Variants in LAMA3 observed in about 807,000 individuals in gnomAD.
The protein encoded by LAMA3 is laminin subunit alpha-3.
LAMA3 carries 281 observed loss-of-function variants against 402.0 expected under a neutral mutation model. The ratio of observed to expected loss-of-function variants is 0.70; its 90% CI spans 0.63 to 0.77. LAMA3 has a LOEUF of 0.77. Among genes scored for constraint, LAMA3 ranks in the 30% least tolerant of loss-of-function variants. The probability of loss-of-function intolerance (pLI) is 0.00; values close to 1 mark genes in which losing one functional copy is unlikely to be tolerated. For missense variants in LAMA3, 3,840 were observed against 4,215.5 expected (o/e 0.91, Z 2.47); for synonymous variants, 1,431 against 1,558.4 (o/e 0.92, Z 1.93).
At chr18:23,797,586 A>G (rs1335934452) in intron 12 of LAMA3, among the ~76,000 whole-genome samples, 2 of 152,168 alleles carry the variant, frequency 1.3e-5, no homozygotes, top group African/African-American at 4.8e-5. Context: ...GTGGTGGCAC[A>G]TGCCTGTAAT....
At chr18:23,818,755 TA>T (rs1568217284) in intron 18 of LAMA3, among the ~76,000 whole-genome samples, 1 of 152,212 alleles carries the variant, frequency 6.6e-6, no homozygotes, top group African/African-American at 2.4e-5. Flanking sequence ...GTCTATGAAT[TA>T]AAAATTAGCA....
intron 31 of LAMA3, among the ~76,000 whole-genome samples, chr18:23,846,910 G>A (rs2063828563): frequency 6.6e-6 from 1 of 152,178 alleles, no homozygotes; most frequent in African/African-American, 2.4e-5. Flanking sequence ...AGGACAGCCA[G>A]GGTCATGTGG....
chr18:23,693,296 C>T (rs1394589510), intron 1 of LAMA3, among the ~76,000 whole-genome samples: 3 of 152,176 alleles, frequency 2.0e-5, no homozygotes, highest in Non-Finnish European at 4.4e-5. Flanking sequence ...CATTGCACTC[C>T]AGCCTGGGCA....
chr18:23,695,969 CAG>C (rs1199600557), intron 1 of LAMA3, among the ~76,000 whole-genome samples: 2 of 151,954 alleles, frequency 1.3e-5, no homozygotes, highest in Non-Finnish European at 2.9e-5. Flanking sequence ...ACCTTTTGAA[CAG>C]AGCCCAGTGG....
At chr18:23,830,418 C>T (rs2063469983) in intron 23 of LAMA3, among the ~76,000 whole-genome samples, 1 of 152,182 alleles carries the variant, frequency 6.6e-6, no homozygotes, top group South Asian at 2.1e-4. Context: ...GCCCTACTCA[C>T]ACCTCAACCC....
intron 1 of LAMA3, among the ~76,000 whole-genome samples, chr18:23,692,169 C>T (rs1021257891): frequency 2.6e-5 from 4 of 152,214 alleles, no homozygotes; most frequent in South Asian, 2.1e-4. Context: ...CCCCATCCTT[C>T]GGTTAGCCTA....
chr18:23,879,832 T>A lies in LAMA3; in HGVS notation c.5113-2104T>A, dbSNP rs1366886748. Among the ~76,000 whole-genome samples, 1 of 152,196 alleles carries A rather than the reference T, an allele frequency of 6.6e-6. No homozygotes were observed. The highest frequency in any genetic ancestry group is 1.5e-5 in the Non-Finnish European group (1 of 68,020). ...GGGTTTTGACACTCTTCCTTGATCC[T>A]CTCCTCTCACCCCTGTGAAGGACCA... On this transcript the variant is annotated intron_variant, in intron 39 of 74. Transcript: ENST00000313654. The surrounding 1 kb of genome is among the most constrained non-coding windows in gnomAD (Gnocchi z 4.2).
At chr18:23,902,676 A>T (rs1356365624) in intron 48 of LAMA3, among the ~76,000 whole-genome samples, 1 of 152,170 alleles carries the variant, frequency 6.6e-6, no homozygotes, top group East Asian at 1.9e-4. Context: ...ATGGTTAGTG[A>T]TGGTTTATTT....
chr18:23,709,835 T>A (rs2060956749), intron 1 of LAMA3: 2 of 673,880 alleles, frequency 3.0e-6, no homozygotes, highest in Non-Finnish European at 5.5e-6. Flanking sequence ...TGATCCCAAT[T>A]TTGTTGGCAA....
intron 37 of LAMA3, among the ~76,000 whole-genome samples, chr18:23,869,259 A>G (rs1186349825): frequency 6.6e-6 from 1 of 152,244 alleles, no homozygotes; most frequent in Non-Finnish European, 1.5e-5. Flanking sequence ...GTAACATACC[A>G]GAGAAGAGGA....
In LAMA3 at chr18:23,864,771, T is replaced by TA; in HGVS notation, c.4585-12dup. 1.3e-6 allele frequency: 2 copies of TA among 1,528,576 alleles called. No individual in the cohort carries two copies. Among genetic ancestry groups the TA allele is most frequent in the Non-Finnish European group, 1.8e-6 (2 of 1,102,270 alleles). The allele number at this position is 1,528,576 out of a possible 1,614,324, so 94.7% of individuals were successfully genotyped here. On this transcript the variant is annotated splice_polypyrimidine_tract_variant and intron_variant, in intron 35 of 74. Coordinates refer to ENST00000313654, the MANE Select transcript of LAMA3 (RefSeq NM_198129.4). ...TTAATGCTTGTGCTATTGATGCTATTAATTCCATTTTAGGTTTCTTCATAT... is the reference window on the plus strand; with the variant it reads ...TTAATGCTTGTGCTATTGATGCTATTAAATTCCATTTTAGGTTTCTTCATAT...
chr18:23,930,236 C>G (rs539377910), intron 64 of LAMA3, among the ~76,000 whole-genome samples: 218 of 152,264 alleles, frequency 1.4e-3, no homozygotes, highest in African/African-American at 5.0e-3. Flanking sequence ...CAGGAAGAGT[C>G]AAATTATCTT....
At chr18:23,728,245 C>G (rs537995489) in intron 2 of LAMA3, among the ~76,000 whole-genome samples, 1 of 152,292 alleles carries the variant, frequency 6.6e-6, no homozygotes, top group African/African-American at 2.4e-5. Context: ...TGTTCTGTGC[C>G]CAGTGACCCA....
In LAMA3 at chr18:23,822,458, G is replaced by T. The variant is rs1055288643; in HGVS notation, c.2428+83G>T. On this transcript the variant is annotated intron_variant, in intron 20 of 74. Transcript: ENST00000313654. ...CACTTTCTCTGATTTTCACAAAGTT[G>T]ATCACCCTTAGAAAATGTCAAGCCT... The T allele has an allele frequency of 1.2e-5, 18 of 1,440,088 alleles. No individual in the cohort carries two copies. In the Admixed American group the frequency reaches 1.7e-4, roughly 13 times the overall value. 89.2% of individuals were successfully genotyped at this position (1,440,088 alleles called of 1,614,324 possible). A position where few individuals can be genotyped will look rare whatever the true frequency, so the allele number is the denominator to read the frequency against.
chr18:23,725,507 G>C (rs1420420560), intron 2 of LAMA3, among the ~76,000 whole-genome samples: 1 of 152,206 alleles, frequency 6.6e-6, no homozygotes, highest in Non-Finnish European at 1.5e-5. Flanking sequence ...CACTGGGGGT[G>C]TGTGTGCAGA....
chr18:23,901,896 G>A (rs1170431065), intron 48 of LAMA3, among the ~76,000 whole-genome samples: 1 of 152,228 alleles, frequency 6.6e-6, no homozygotes, highest in Non-Finnish European at 1.5e-5. Flanking sequence ...GTTTCACCAT[G>A]TTGGCTAGGC....
chr18:23,916,660 G>A lies in LAMA3; in HGVS notation c.7888G>A (p.Val2630Met), dbSNP rs761750878. The A allele has an allele frequency of 1.5e-5, 24 of 1,613,988 alleles. No individual in the cohort carries two copies. Among genetic ancestry groups the A allele is most frequent in the Admixed American group, 8.3e-5 (5 of 59,994 alleles). The change falls in exon 60 of 75, where the codon GTG becomes ATG. Residue 2630 changes from valine (V) to methionine (M), a missense_variant. Coordinates refer to ENST00000313654, the MANE Select transcript of LAMA3 (RefSeq NM_198129.4). Reference protein sequence around the residue: ...PTFGQTIQTTVDRGLLFFAEN... With the variant: ...PTFGQTIQTTMDRGLLFFAEN... Reference sequence around the variant, plus strand: ...CTTTGGACAGACAATTCAGACCACCGTGGATAGAGGCTTGCTGTTCTTTGC... The same window carrying A: ...CTTTGGACAGACAATTCAGACCACCATGGATAGAGGCTTGCTGTTCTTTGC...
At chr18:23,826,170 T>C (rs907361792) in intron 21 of LAMA3, among the ~76,000 whole-genome samples, 1 of 152,202 alleles carries the variant, frequency 6.6e-6, no homozygotes, top group African/African-American at 2.4e-5. Flanking sequence ...TGAATTTACG[T>C]TGTGGGCTTT....
At chr18:23,776,162 G>A (rs941376606) in intron 10 of LAMA3, among the ~76,000 whole-genome samples, 3 of 152,146 alleles carry the variant, frequency 2.0e-5, no homozygotes, top group African/African-American at 4.8e-5. Context: ...CATCTCAGTA[G>A]GTCAAAAAGT....
Sources: gnomAD v4.1 joint callset for allele counts (sites outside exome capture counted in the v4.1 genomes callset) on GRCh38, gnomAD v4.1.1 for gene constraint, Gnocchi (gnomAD v3.1) non-coding constraint, MANE v1.5 for transcripts, NCBI Gene and HGNC (gene_info 2026-07-23, HGNC 2026-07-21) for gene names.